Variants in TTLL1 observed in about 807,000 individuals in gnomAD.
TTLL1 encodes polyglutamylase complex subunit TTLL1.
In TTLL1, 33 loss-of-function variants were observed where a neutral mutation model predicts 47.8. The observed-to-expected ratio is 0.69, with a 90% CI of 0.52 to 0.92. The LOEUF (loss-of-function observed/expected upper bound fraction) is 0.92, where lower values mean the gene tolerates loss of function less well. TTLL1 is among the 40% of genes least tolerant of loss of function. The pLI is 0.00. For missense variants in TTLL1, 488 were observed against 547.5 expected, an observed-to-expected ratio of 0.89 and a Z score of 1.08; for synonymous variants, 225 against 214.1, an observed-to-expected ratio of 1.05 and a Z score of -0.45.
chr22:43,057,391 T>C (rs933074651), intron 8 of TTLL1, among the ~76,000 whole-genome samples: 2 of 151,990 alleles, frequency 1.3e-5, no homozygotes, highest in Non-Finnish European at 2.9e-5. Context: ...ATTACAGGCG[T>C]GAGCCACTGT....
chr22:43,076,270 A>G (rs551778592), intron 2 of TTLL1, among the ~76,000 whole-genome samples: 2 of 151,928 alleles, frequency 1.3e-5, no homozygotes, highest in African/African-American at 2.4e-5. Context: ...AGCGTGGCCA[A>G]TGTGGTGAAA....
intron 8 of TTLL1, chr22:43,052,146 C>T (rs916981755): frequency 1.3e-5 from 6 of 473,966 alleles, no homozygotes; most frequent in African/African-American, 1.2e-4. Flanking sequence ...AGAGGCTTGA[C>T]TAGCACCCAA....
chr22:43,062,280 C>A (rs1010517333), intron 7 of TTLL1, among the ~76,000 whole-genome samples: 7 of 151,438 alleles, frequency 4.6e-5, no homozygotes, highest in African/African-American at 1.7e-4. Flanking sequence ...ATCACGAGGT[C>A]AAGAGATCAA....
intron 3 of TTLL1, among the ~76,000 whole-genome samples, chr22:43,073,564 T>A (rs1317014548): frequency 6.7e-6 from 1 of 149,316 alleles, no homozygotes. Context: ...CCAAGTTGGC[T>A]AGGCTGGTCT....
Position 43,063,887 on chromosome 22 carries a change from T to C in TTLL1, c.673A>G (p.Lys225Glu). Residue 225 changes from lysine (K) to glutamate (E), a missense_variant, in exon 7 of 11, where the codon AAA (lysine) becomes GAA (glutamate). Lys to Glu is a moderately conservative substitution (Grantham distance 56). Coordinates refer to ENST00000266254, the MANE Select transcript of TTLL1 (RefSeq NM_012263.5). ...KLGFCRFCTV[K>E]YTPSTSELDN... Reference sequence around the variant, plus strand: ...AGCTCACTGGTACTCGGGGTGTATTTCACTGTGCAGAACCGGCAAAACCCA... The same window carrying C: ...AGCTCACTGGTACTCGGGGTGTATTCCACTGTGCAGAACCGGCAAAACCCA... 6.2e-7 allele frequency: 1 copy of C among 1,614,120 alleles called. No homozygotes were observed. The highest frequency in any genetic ancestry group is 8.5e-7 in the Non-Finnish European group (1 of 1,180,018).
chr22:43,061,163 G>C (rs5759128), intron 7 of TTLL1, among the ~76,000 whole-genome samples: 36,912 of 152,138 alleles, frequency 0.24, 7,072 homozygotes, highest in East Asian at 0.69. Flanking sequence ...GTACTCCAGC[G>C]TGGGTGACAG....
At chr22:43,056,428 C>T (rs377432843) in intron 8 of TTLL1, among the ~76,000 whole-genome samples, 7 of 145,814 alleles carry the variant, frequency 4.8e-5, no homozygotes, top group Admixed American at 2.1e-4. Flanking sequence ...TTCTCCAGAA[C>T]AGCAGTTTCA....
intron 1 of TTLL1, among the ~76,000 whole-genome samples, chr22:43,085,166 C>T (rs572696443): frequency 4.0e-5 from 6 of 151,224 alleles, no homozygotes; most frequent in African/African-American, 9.7e-5. Context: ...TTAATAGAGA[C>T]GAGGTTTCAC....
chr22:43,071,329 A>G (rs1928105539), intron 3 of TTLL1, among the ~76,000 whole-genome samples: 1 of 152,090 alleles, frequency 6.6e-6, no homozygotes, highest in Non-Finnish European at 1.5e-5. Context: ...CCCTTTATTT[A>G]TCAGTTTTTC....
At chr22:43,054,413 G>A (rs1056851869) in intron 8 of TTLL1, among the ~76,000 whole-genome samples, 5 of 150,920 alleles carry the variant, frequency 3.3e-5, no homozygotes, top group African/African-American at 1.2e-4. Context: ...GCACCAACCC[G>A]ACATAATCTC....
intron 7 of TTLL1, among the ~76,000 whole-genome samples, chr22:43,063,237 G>A (rs1288818667): frequency 6.6e-6 from 1 of 152,078 alleles, no homozygotes; most frequent in Non-Finnish European, 1.5e-5. Flanking sequence ...ACTTGCCCGA[G>A]GCCACAGAAC....
intron 10 of TTLL1, among the ~76,000 whole-genome samples, chr22:43,044,786 A>G (rs1321928949): frequency 6.6e-6 from 1 of 151,818 alleles, no homozygotes; most frequent in East Asian, 1.9e-4. Context: ...TTTTACAAGG[A>G]TTACGTTATA....
At chr22:43,073,714 C>T (rs1351878225) in intron 3 of TTLL1, among the ~76,000 whole-genome samples, 4 of 152,090 alleles carry the variant, frequency 2.6e-5, no homozygotes, top group Admixed American at 1.3e-4. Flanking sequence ...ACCCACCCCC[C>T]CATACTGTTT....
intron 1 of TTLL1, among the ~76,000 whole-genome samples, chr22:43,086,671 G>A (rs1366002251): frequency 1.3e-5 from 2 of 152,130 alleles, no homozygotes; most frequent in African/African-American, 4.8e-5. Context: ...GGCCGGGGAA[G>A]GAAGGGATGG....
intron 3 of TTLL1, among the ~76,000 whole-genome samples, chr22:43,074,512 T>G (rs963021390): frequency 3.9e-5 from 6 of 151,974 alleles, no homozygotes; most frequent in African/African-American, 1.4e-4. Flanking sequence ...TTTAGCCTTT[T>G]TCTTCATTTC....
chr22:43,059,501 G>A lies in TTLL1; in HGVS notation c.774C>T (p.Gly258=), dbSNP rs1323200781. Residue 258 remains glycine (G), a synonymous_variant, in exon 8 of 11, where the codon GGC becomes GGT. Coordinates refer to ENST00000266254, the MANE Select transcript of TTLL1 (RefSeq NM_012263.5). Reference sequence around the variant, plus strand: ...GCCGCAGGTTACTCACTGTCCACTTGCCCCCATGGATGTGGTTGTAGTCCT... The same window carrying A: ...GCCGCAGGTTACTCACTGTCCACTTACCCCCATGGATGTGGTTGTAGTCCT... ...HGEDYNHIHG[G]KWTVSNLRLY... 2 of 1,613,630 alleles carry A rather than the reference G, an allele frequency of 1.2e-6. No homozygotes were observed. The highest frequency in any genetic ancestry group is 1.1e-5 in the South Asian group (1 of 91,010).
At chr22:43,049,807 T>C (rs1926461293) in intron 9 of TTLL1, among the ~76,000 whole-genome samples, 1 of 148,158 alleles carries the variant, frequency 6.7e-6, no homozygotes, top group African/African-American at 2.5e-5. Context: ...AAAAAAAGAA[T>C]TGTTGGCTGG....
At chr22:43,078,234 G>A (rs889125544) in intron 2 of TTLL1, among the ~76,000 whole-genome samples, 2 of 152,126 alleles carry the variant, frequency 1.3e-5, no homozygotes, top group African/African-American at 4.8e-5. Flanking sequence ...AGTGGCTCAT[G>A]TCTACAATCC....
intron 3 of TTLL1, among the ~76,000 whole-genome samples, chr22:43,073,465 G>T (rs2146985116): frequency 1.3e-5 from 2 of 151,200 alleles, no homozygotes; most frequent in Non-Finnish European, 3.0e-5. Context: ...GAGGCCATTT[G>T]CCTGCCTCAG....
Sources: gnomAD v4.1 joint callset for allele counts (sites outside exome capture counted in the v4.1 genomes callset) on GRCh38, gnomAD v4.1.1 for gene constraint, MANE v1.5 for transcripts, NCBI Gene and HGNC (gene_info 2026-07-23, HGNC 2026-07-21) for gene names.